Variants in THSD7A observed in about 807,000 individuals in gnomAD.
THSD7A encodes thrombospondin type 1 domain containing 7A.
THSD7A carries 96 observed loss-of-function variants against 231.3 expected under a neutral mutation model. The observed-to-expected ratio is 0.41, with a 90% confidence interval of 0.35 to 0.49. THSD7A has a LOEUF of 0.49. THSD7A is among the 20% of genes least tolerant of loss of function. The pLI is 0.05. For synonymous variants in THSD7A, 940 were observed against 743.3 expected, an observed-to-expected ratio of 1.26 and a Z score of -4.30; for missense variants, 2,290 against 2,070.2, an observed-to-expected ratio of 1.11 and a Z score of -2.06.
chr7:11,789,143 G>A (rs955485710), intron 1 of THSD7A, among the ~76,000 whole-genome samples: 1 of 151,800 alleles, frequency 6.6e-6, no homozygotes, highest in Non-Finnish European at 1.5e-5. Flanking sequence ...CCAAAGTCAT[G>A]GTCTTCCAAG....
intron 1 of THSD7A, among the ~76,000 whole-genome samples, chr7:11,668,462 A>G (rs1783237634): frequency 2.4e-5 from 1 of 41,894 alleles, no homozygotes; most frequent in African/African-American, 1.0e-4. Flanking sequence ...AGAGAGAGAA[A>G]GAAAGAAAAA....
intron 13 of THSD7A, among the ~76,000 whole-genome samples, chr7:11,432,306 C>A (rs1211207136): frequency 6.6e-6 from 1 of 152,066 alleles, no homozygotes; most frequent in Non-Finnish European, 1.5e-5. Context: ...AGATTTCTGG[C>A]ATATCTTTTT....
intron 1 of THSD7A, among the ~76,000 whole-genome samples, chr7:11,695,369 C>T (rs1780355749): frequency 6.6e-6 from 1 of 151,500 alleles, no homozygotes; most frequent in Non-Finnish European, 1.5e-5. Flanking sequence ...ACATGCATCA[C>T]TCTCTATGCC....
intron 2 of THSD7A, among the ~76,000 whole-genome samples, chr7:11,631,678 CA>C (rs1781659887): frequency 6.6e-6 from 1 of 152,040 alleles, no homozygotes; most frequent in Admixed American, 6.5e-5. Flanking sequence ...AACACAAAAA[CA>C]AACAAAAAAT....
Position 11,590,681 on chromosome 7 carries a change from T to C in THSD7A, c.1272-40A>G. The C allele has an allele frequency of 6.4e-7, 1 of 1,553,894 alleles. No individual in the cohort carries two copies. Among genetic ancestry groups the C allele is most frequent in the Non-Finnish European group, 8.7e-7 (1 of 1,150,956 alleles). On this transcript the variant is annotated intron_variant, in intron 3 of 27. Coordinates refer to ENST00000423059, the MANE Select transcript of THSD7A (RefSeq NM_015204.3). The surrounding 1 kb of genome is among the most constrained non-coding windows in gnomAD (Gnocchi z 4.4). ...CACCACCAGCAGCAACCATAATTAT[T>C]GAATGACGTGTTTCTCTACTCCTGT...
chr7:11,455,429 AG>A (rs758686879), intron 11 of THSD7A, among the ~76,000 whole-genome samples: 17 of 152,186 alleles, frequency 1.1e-4, no homozygotes, highest in Non-Finnish European at 2.4e-4. Context: ...TATGTAGCAG[AG>A]TAGCTAATTC....
chr7:11,527,629 A>G (rs111942001), intron 6 of THSD7A, among the ~76,000 whole-genome samples: 170 of 139,244 alleles, frequency 1.2e-3, no homozygotes, highest in African/African-American at 4.0e-3. Context: ...TTCCTTTAGT[A>G]TAATCTAGGG....
chr7:11,796,800 G>C (rs972390887), intron 1 of THSD7A, among the ~76,000 whole-genome samples: 1 of 151,740 alleles, frequency 6.6e-6, no homozygotes, highest in Non-Finnish European at 1.5e-5. Context: ...ACTATGTTAG[G>C]TTTTGTACAG....
In THSD7A at chr7:11,375,167, A is replaced by T. The variant is rs556857294; in HGVS notation, c.*627T>A. The T allele has an allele frequency of 6.6e-6, 1 of 152,154 alleles. No individual in the cohort carries two copies. The highest frequency in any genetic ancestry group is 2.4e-5 in the African/African-American group (1 of 41,540). 9.4% of individuals were successfully genotyped at this position (152,154 alleles called of 1,614,324 possible). On this transcript the variant is annotated 3_prime_UTR_variant, in exon 28 of 28. Transcript: ENST00000423059. ...ACACTAGTACTTGTCCAGCATTCTT[A>T]CTTTGGAGAGAGACAAGAAGTCTTA...
chr7:11,679,243 T>A (rs2128138371), intron 1 of THSD7A, among the ~76,000 whole-genome samples: 1 of 152,304 alleles, frequency 6.6e-6, no homozygotes, highest in Non-Finnish European at 1.5e-5. Context: ...GCCAGTATCA[T>A]ACTGAATGAG....
At position 11,660,250 on chromosome 7, in the gene THSD7A, T is replaced by C. The variant is rs529085237; in HGVS notation, c.191-23289A>G. Among the ~76,000 whole-genome samples, 5 of 151,690 alleles carry C rather than the reference T, an allele frequency of 3.3e-5. No individual in the cohort carries two copies. The East Asian group carries it at 9.7e-4, about 29-fold the overall frequency. On this transcript the variant is annotated intron_variant, in intron 1 of 27. Transcript: ENST00000423059. ...TATTCTCTGATGTTCAAAAGAGATA[T>C]GGTTACTGCCCTTTTGCAGCATTCC...
chr7:11,458,128 A>G (rs1404106283), intron 11 of THSD7A, among the ~76,000 whole-genome samples: 1 of 152,100 alleles, frequency 6.6e-6, no homozygotes, highest in East Asian at 1.9e-4. Flanking sequence ...GCTTCTCTAT[A>G]GTCTTTGTTG....
intron 1 of THSD7A, among the ~76,000 whole-genome samples, chr7:11,736,926 A>T (rs1300605667): frequency 3.9e-5 from 6 of 152,008 alleles, no homozygotes; most frequent in South Asian, 4.2e-4. Context: ...TGTGAAAATG[A>T]GTAAATTCTC....
chr7:11,403,820 A>G (rs900968589), intron 22 of THSD7A, among the ~76,000 whole-genome samples: 24 of 152,352 alleles, frequency 1.6e-4, no homozygotes, highest in Non-Finnish European at 3.4e-4. Flanking sequence ...ACACTTTTCT[A>G]TTTTGACCAT....
chr7:11,405,777 C>T (rs1399846033), intron 22 of THSD7A, among the ~76,000 whole-genome samples: 1 of 152,122 alleles, frequency 6.6e-6, no homozygotes, highest in African/African-American at 2.4e-5. Context: ...TGTAGATAAT[C>T]TGTTATTTTC....
chr7:11,487,031 T>G (rs1786687051), intron 6 of THSD7A, among the ~76,000 whole-genome samples: 2 of 152,212 alleles, frequency 1.3e-5, no homozygotes, highest in Admixed American at 6.5e-5. Flanking sequence ...ATATTTGTAT[T>G]CCTCCATTTA....
intron 1 of THSD7A, among the ~76,000 whole-genome samples, chr7:11,776,299 T>C (rs573497952): frequency 5.5e-4 from 83 of 152,132 alleles, no homozygotes; most frequent in Non-Finnish European, 1.1e-3. Flanking sequence ...CATAAGAAAT[T>C]TTGCCCCAGA....
At chr7:11,585,761 GCACTCACACACA>G (rs1430529245) in intron 4 of THSD7A, among the ~76,000 whole-genome samples, 1 of 151,984 alleles carries the variant, frequency 6.6e-6, no homozygotes, top group Non-Finnish European at 1.5e-5. Context: ...ATCTCAGGGT[GCACTCACACACA>G]CACCCACACT....
chr7:11,427,598 G>A (rs907104335), intron 14 of THSD7A, among the ~76,000 whole-genome samples: 12 of 152,220 alleles, frequency 7.9e-5, no homozygotes, highest in South Asian at 2.1e-4. Flanking sequence ...ACACATACAC[G>A]CTAAAGTGAA....
Sources: allele counts gnomAD v4.1 joint callset (sites outside exome capture counted in the v4.1 genomes callset), GRCh38; gene constraint gnomAD v4.1.1; non-coding constraint Gnocchi (gnomAD v3.1); transcripts MANE v1.5; gene names NCBI Gene and HGNC (gene_info 2026-07-23, HGNC 2026-07-21).